Variants in LTBP1 observed in about 807,000 individuals in gnomAD.
LTBP1 encodes latent-transforming growth factor beta-binding protein 1.
LTBP1 carries 129 observed loss-of-function variants against 207.6 expected under a neutral mutation model. The observed-to-expected ratio is 0.62, with a 90% CI of 0.54 to 0.72. LTBP1 has a LOEUF of 0.72. Ranked by LOEUF, LTBP1 falls within the 30% of genes least tolerant of loss-of-function variation. The pLI, the probability that LTBP1 is intolerant of heterozygous loss-of-function variation, is 0.00. For synonymous variants in LTBP1, 963 were observed against 833.7 expected (o/e 1.16, Z -2.67); for missense variants, 2,281 against 2,217.2 (o/e 1.03, Z -0.58).
At chr2:33,027,285 AT>A (rs1186055745) in intron 3 of LTBP1, among the ~76,000 whole-genome samples, 4 of 152,216 alleles carry the variant, frequency 2.6e-5, no homozygotes, top group Non-Finnish European at 5.9e-5. Context: ...ATATGTACAC[AT>A]TGTAAAACGA....
intron 24 of LTBP1, among the ~76,000 whole-genome samples, chr2:33,324,150 T>C (rs2094394858): frequency 6.6e-6 from 1 of 152,184 alleles, no homozygotes; most frequent in Admixed American, 6.6e-5. Flanking sequence ...AGTCCTTCCT[T>C]ATCTGCAGTT....
chr2:33,297,399 CTTTA>C (rs58504404), intron 20 of LTBP1, among the ~76,000 whole-genome samples: 30,501 of 140,020 alleles, frequency 0.22, 3,399 homozygotes, highest in African/African-American at 0.28. Flanking sequence ...TAATATACTG[CTTTA>C]TTTATTTATT....
chr2:33,385,906 GA>G (rs2095261745), intron 31 of LTBP1, among the ~76,000 whole-genome samples: 1 of 152,198 alleles, frequency 6.6e-6, no homozygotes, highest in Admixed American at 6.5e-5. Flanking sequence ...TTGGAGCTTG[GA>G]ATGTGAATGT....
chr2:32,986,170 T>G (rs1683537252), intron 2 of LTBP1, among the ~76,000 whole-genome samples: 2 of 152,206 alleles, frequency 1.3e-5, no homozygotes, highest in African/African-American at 4.8e-5. Context: ...ATGATTACAT[T>G]TGATTCATCT....
chr2:32,988,974 G>C (rs945469330), intron 2 of LTBP1, among the ~76,000 whole-genome samples: 1 of 151,502 alleles, frequency 6.6e-6, no homozygotes, highest in Non-Finnish European at 1.5e-5. Context: ...TAATATTTTT[G>C]TGCCACTATC....
chr2:32,984,270 G>A (rs1268820970), intron 2 of LTBP1, among the ~76,000 whole-genome samples: 1 of 152,178 alleles, frequency 6.6e-6, no homozygotes, highest in African/African-American at 2.4e-5. Context: ...TACTACAAGT[G>A]GTTTTGGCCA....
intron 3 of LTBP1, among the ~76,000 whole-genome samples, chr2:33,099,226 C>T (rs1023991377): frequency 6.6e-6 from 1 of 151,960 alleles, no homozygotes; most frequent in Admixed American, 6.6e-5. Context: ...TAAATGCTTT[C>T]AATATTTATT....
At chr2:33,131,423 A>G (rs554332295) in intron 4 of LTBP1, among the ~76,000 whole-genome samples, 2 of 152,316 alleles carry the variant, frequency 1.3e-5, no homozygotes, top group East Asian at 1.9e-4. Context: ...AACTTTTTAC[A>G]CTATACCCTA....
rs188706620 is a variant in LTBP1 at position 33,363,585 on chromosome 2, A to G, written c.4399+67A>G. ...TACAGATGGAAAAAATAACTATGCT[A>G]TGTAGTAAAAACAATTTCCTTGAAT... On this transcript the variant is annotated intron_variant, in intron 29 of 33. Coordinates refer to ENST00000404816, the MANE Select transcript of LTBP1 (RefSeq NM_206943.4). 80 of 1,481,998 alleles carry G rather than the reference A, an allele frequency of 5.4e-5. No individual in the cohort carries two copies. In the East Asian group the frequency reaches 8.5e-4, roughly 16 times the overall value. The allele number at this position is 1,481,998 out of a possible 1,614,324, so 91.8% of individuals were successfully genotyped here. A position where few individuals can be genotyped will look rare whatever the true frequency, so the allele number is the denominator to read the frequency against.
intron 2 of LTBP1, among the ~76,000 whole-genome samples, chr2:32,981,297 A>G (rs1682728736): frequency 6.6e-6 from 1 of 152,108 alleles, no homozygotes; most frequent in Non-Finnish European, 1.5e-5. Context: ...AGTATAACTT[A>G]TAATTTTTCT....
At chr2:32,956,246 G>A (rs1445016479) in intron 2 of LTBP1, among the ~76,000 whole-genome samples, 1 of 152,046 alleles carries the variant, frequency 6.6e-6, no homozygotes, top group Non-Finnish European at 1.5e-5. Flanking sequence ...TCTTCCTTTC[G>A]TGAAAGCTTT....
At chr2:33,341,729 A>AAATATATATATATATATATATATAT (rs745445793) in intron 24 of LTBP1, among the ~76,000 whole-genome samples, 3 of 93,620 alleles carry the variant, frequency 3.2e-5, no homozygotes, top group African/African-American at 1.5e-4. Flanking sequence ...AAAAAAAAAA[A>AAATATATATATATATATATATATAT]ATATATATAT....
At chr2:33,012,683 C>T (rs1433189681) in intron 2 of LTBP1, among the ~76,000 whole-genome samples, 2 of 151,826 alleles carry the variant, frequency 1.3e-5, no homozygotes, top group East Asian at 1.9e-4. Flanking sequence ...AGAGGGGGCT[C>T]AATTGGATGA....
At chr2:33,347,551 T>G (rs1408868427) in intron 26 of LTBP1, 41 bp downstream of exon 26, 1 of 1,611,536 alleles carries the variant, frequency 6.2e-7, no homozygotes, top group Non-Finnish European at 8.5e-7. Context: ...GACAGGCTCC[T>G]CTCAAAGACC....
intron 31 of LTBP1, among the ~76,000 whole-genome samples, chr2:33,372,850 CA>C (rs1340369430): frequency 1.3e-5 from 2 of 152,104 alleles, no homozygotes; most frequent in East Asian, 3.9e-4. Flanking sequence ...GACAACAGAG[CA>C]AGACTTCATC....
chr2:32,964,765 A>C (rs1362768289), intron 2 of LTBP1, among the ~76,000 whole-genome samples: 1 of 151,556 alleles, frequency 6.6e-6, no homozygotes, highest in African/African-American at 2.4e-5. Flanking sequence ...TTTTAATGTC[A>C]AAAATATTTT....
At chr2:33,329,710 T>C (rs1255481966) in intron 24 of LTBP1, among the ~76,000 whole-genome samples, 1 of 152,098 alleles carries the variant, frequency 6.6e-6, no homozygotes, top group Non-Finnish European at 1.5e-5. Context: ...TATGAATATA[T>C]TTCTGCATTA....
chr2:33,368,226 A>G (rs1356898700), intron 31 of LTBP1, among the ~76,000 whole-genome samples: 6 of 152,032 alleles, frequency 3.9e-5, no homozygotes, highest in Non-Finnish European at 2.9e-5. Flanking sequence ...AAGAAGTTAC[A>G]TCATTTGAAT....
At chr2:32,986,104 A>G (rs1394875697) in intron 2 of LTBP1, among the ~76,000 whole-genome samples, 1 of 152,200 alleles carries the variant, frequency 6.6e-6, no homozygotes, top group East Asian at 1.9e-4. Flanking sequence ...GAACAAATAA[A>G]TCTCTCGTGT....
Sources: allele counts gnomAD v4.1 joint callset (sites outside exome capture counted in the v4.1 genomes callset), GRCh38; gene constraint gnomAD v4.1.1; transcripts MANE v1.5; gene names NCBI Gene and HGNC (gene_info 2026-07-23, HGNC 2026-07-21).